PRRC2C: variants seen among roughly 807,000 people sequenced by gnomAD.
PRRC2C encodes protein PRRC2C.
Under a neutral mutation model 317.2 loss-of-function variants are expected in PRRC2C, and 72 were observed. That is an observed-to-expected ratio of 0.23 (90% CI 0.19 to 0.28). PRRC2C has a LOEUF of 0.28. PRRC2C is among the 10% of genes least tolerant of loss of function. PRRC2C has a pLI of 1.00. For missense variants in PRRC2C, 3,074 were observed against 3,459.7 expected (o/e 0.89, Z 2.80); for synonymous variants, 1,296 against 1,205.9 (o/e 1.07, Z -1.55).
intron 1 of PRRC2C, among the ~76,000 whole-genome samples, chr1:171,486,972 T>TA (rs1666245332): frequency 6.6e-6 from 1 of 152,172 alleles, no homozygotes; most frequent in African/African-American, 2.4e-5. Flanking sequence ...ATTGATCCCC[T>TA]AAAAAATTAG....
chr1:171,507,865 C>T (rs1052807736), intron 1 of PRRC2C, among the ~76,000 whole-genome samples: 2 of 151,992 alleles, frequency 1.3e-5, no homozygotes, highest in Non-Finnish European at 2.9e-5. Flanking sequence ...TATTTTGCTC[C>T]CTTGGTTAGA....
chr1:171,494,262 G>A (rs1186567459), intron 1 of PRRC2C, among the ~76,000 whole-genome samples: 1 of 152,064 alleles, frequency 6.6e-6, no homozygotes, highest in African/African-American at 2.4e-5. Context: ...ATCCTACTCC[G>A]GAAACTTAAT....
chr1:171,591,893 T>C lies in PRRC2C; in HGVS notation c.*46T>C, dbSNP rs973824890. ...GGATTGGGAGGGGGGCGGGAAAACA[T>C]GGAGAATTAAGTCAGATAATGCTGG... On this transcript the variant is annotated 3_prime_UTR_variant, in exon 35 of 35. Coordinates refer to ENST00000647382, the MANE Select transcript of PRRC2C (RefSeq NM_001387844.1). The C allele has an allele frequency of 1.7e-6, 2 of 1,165,528 alleles. No homozygotes were observed. The highest frequency in any genetic ancestry group is 2.1e-5 in the Admixed American group (1 of 48,398). 72.2% of individuals were successfully genotyped at this position (1,165,528 alleles called of 1,614,324 possible).
rs573432464 is a variant in PRRC2C, at chr1:171,525,499, C to T, written c.1200+534C>T. Among the ~76,000 whole-genome samples, 4 of 152,284 alleles carry T rather than the reference C, an allele frequency of 2.6e-5. No homozygotes were observed. In the South Asian group the frequency reaches 8.3e-4, roughly 32 times the overall value. On this transcript the variant is annotated intron_variant, in intron 10 of 34. Coordinates refer to ENST00000647382, the MANE Select transcript of PRRC2C (RefSeq NM_001387844.1). Reference sequence around the variant, plus strand: ...TATAAACTGGGAATAAAAAGGACTACTTTCAAGGGAGTCCACTTATCTCTT... The same window carrying T: ...TATAAACTGGGAATAAAAAGGACTATTTTCAAGGGAGTCCACTTATCTCTT...
intron 1 of PRRC2C, among the ~76,000 whole-genome samples, chr1:171,489,438 C>T (rs1427115431): frequency 6.6e-6 from 1 of 152,108 alleles, no homozygotes; most frequent in Non-Finnish European, 1.5e-5. Flanking sequence ...TAAAAGTTAT[C>T]TTGTAGTCTT....
In PRRC2C at chr1:171,574,164, C is replaced by A. The variant is rs529182981; in HGVS notation, c.6754-763C>A. On this transcript the variant is annotated intron_variant, in intron 24 of 34. Transcript: ENST00000647382. ...ATATGAAATTTTAATATTAAAAAAA[C>A]TTATAAAATATCAATTTATGTTCAT... is the stretch of plus-strand genomic sequence containing the variant. Among the ~76,000 whole-genome samples, 44 of 151,766 alleles carry A rather than the reference C, an allele frequency of 2.9e-4. No homozygotes were observed. The East Asian group carries it at 6.4e-3, about 22-fold the overall frequency.
In PRRC2C at chr1:171,532,908, C is replaced by T; in HGVS notation, c.1820C>T (p.Pro607Leu). ...GAGGAGAAAATTGAACCCAGAGAAC[C>T]TAATTTAGAGCCCATGGTAGAAAAA... ...KLEEKIEPRE[P>L]NLEPMVEKQE... The change falls in exon 12 of 35, where the codon CCT (proline) becomes CTT (leucine). Residue 607 changes from proline to leucine, a missense_variant. By Grantham distance (98) the Pro-to-Leu change is moderately conservative. Transcript: ENST00000647382. The T allele has an allele frequency of 6.3e-7, 1 of 1,575,058 alleles. No individual in the cohort carries two copies. Among genetic ancestry groups the T allele is most frequent in the Non-Finnish European group, 8.5e-7 (1 of 1,170,838 alleles).
At chr1:171,542,907 C>T (rs1314484680) in intron 16 of PRRC2C, among the ~76,000 whole-genome samples, 5 of 151,712 alleles carry the variant, frequency 3.3e-5, no homozygotes, top group Non-Finnish European at 5.9e-5. Flanking sequence ...ACTACAGGTG[C>T]CCACCACCAT....
chr1:171,514,329 TG>T (rs1344921528), intron 3 of PRRC2C, among the ~76,000 whole-genome samples: 1 of 152,030 alleles, frequency 6.6e-6, no homozygotes. Context: ...CTCATCTCAT[TG>T]GGTTATTCAA....
rs1488493458 is a variant in PRRC2C, at chr1:171,557,856, C to T, written c.5744C>T (p.Ala1915Val). ...GCCCCTGCCTCAGCTTCAGCCCCAGCCCCAGCCCCTACCCCAGTCTCAGCC... is the reference window on the plus strand; with the variant it reads ...GCCCCTGCCTCAGCTTCAGCCCCAGTCCCAGCCCCTACCCCAGTCTCAGCC... The part of the protein sequence containing the change: ...PLAPASASAP[A>V]PAPTPVSAPN... Residue 1915 changes from alanine to valine, a missense_variant, in exon 19 of 35, where the codon GCC becomes GTC. Coordinates refer to ENST00000647382, the MANE Select transcript of PRRC2C (RefSeq NM_001387844.1). The T allele has an allele frequency of 1.9e-6, 3 of 1,541,612 alleles. No individual in the cohort carries two copies. The highest frequency in any genetic ancestry group is 4.9e-5 in the East Asian group (2 of 40,818).
At position 171,584,053 on chromosome 1, in the gene PRRC2C, C is replaced by T. The variant is rs2102857362; in HGVS notation, c.7507C>T (p.Leu2503Phe). The T allele has an allele frequency of 6.2e-7, 1 of 1,614,016 alleles. No homozygotes were observed. Among genetic ancestry groups the T allele is most frequent in the South Asian group, 1.1e-5 (1 of 91,088 alleles). ...HNFPTVQHQELAKAQSGLAFQ... is the reference protein window; with the variant it reads ...HNFPTVQHQEFAKAQSGLAFQ... ...CTTTCCAACTGTCCAACACCAAGAA[C>T]TTGCCAAGGCACAATCCGGTCTTGC... Residue 2503 changes from leucine to phenylalanine, a missense_variant, in exon 29 of 35, where the codon CTT becomes TTT. By Grantham distance (22) the Leu-to-Phe change is conservative (BLOSUM62 0). Around this residue, in one of 11 missense-constraint regions of PRRC2C, gnomAD observed 490 missense variants for 663.1 expected, o/e 0.74. Coordinates refer to ENST00000647382, the MANE Select transcript of PRRC2C (RefSeq NM_001387844.1).
chr1:171,514,619 G>A lies in PRRC2C; in HGVS notation c.374G>A (p.Ser125Asn), dbSNP rs750700175. Residue 125 changes from serine to asparagine, a missense_variant, in exon 4 of 35, where the codon AGT (serine) becomes AAT (asparagine). Transcript: ENST00000647382. The stretch of plus-strand genomic sequence containing the variant: ...GCACCTGCTCCCAAATCATGGGCCA[G>A]TAACAAGCAAGGTGGGCAAGGAGAT... ...EVAPAPKSWA[S>N]NKQGGQGDGI... The A allele has an allele frequency of 2.6e-6, 4 of 1,558,228 alleles. No individual in the cohort carries two copies. The highest frequency in any genetic ancestry group is 1.9e-5 in the Admixed American group (1 of 51,736).
rs572593248 is a variant in PRRC2C, at chr1:171,591,281, C to T, written c.8437-306C>T. On this transcript the variant is annotated intron_variant, in intron 34 of 34. Transcript: ENST00000647382. ...TGATAACTAGAAGTTTTAAGTGTTA[C>T]ATGTATGTTTTTAGATTTGCAAGCA... 71 of 957,842 alleles carry T rather than the reference C, an allele frequency of 7.4e-5. No homozygotes were observed. In the African/African-American group the frequency reaches 1.2e-3, roughly 16 times the overall value. 59.3% of individuals were successfully genotyped at this position (957,842 alleles called of 1,614,324 possible). A position where few individuals can be genotyped will look rare whatever the true frequency, so the allele number is the denominator to read the frequency against.
chr1:171,566,474 G>A (rs1009555912), intron 21 of PRRC2C, 53 bp downstream of exon 21: 8 of 1,500,760 alleles, frequency 5.3e-6, no homozygotes, highest in South Asian at 1.3e-5. Flanking sequence ...CTGACATGAA[G>A]AGCAAATAAT....
At chr1:171,528,749 T>C (rs1367210633) in intron 11 of PRRC2C, among the ~76,000 whole-genome samples, 2 of 151,964 alleles carry the variant, frequency 1.3e-5, no homozygotes, top group Non-Finnish European at 2.9e-5. Flanking sequence ...AGTTTTCTTG[T>C]CTTCATCTCA....
Position 171,584,113 on chromosome 1 carries a change from A to G in PRRC2C, c.7567A>G (p.Ile2523Val), listed in dbSNP as rs1473195601. The change falls in exon 29 of 35, where the codon ATA (isoleucine) becomes GTA (valine). Residue 2523 changes from isoleucine to valine, a missense_variant. By Grantham distance (29) the Ile-to-Val change is conservative. Transcript: ENST00000647382. ...QQTSNTQPIP[I>V]LYEHQLGQAS... Reference sequence around the variant, plus strand: ...AACATCAAATACTCAGCCCATTCCTATATTGTATGAACATCAACTGGGGCA... The same window carrying G: ...AACATCAAATACTCAGCCCATTCCTGTATTGTATGAACATCAACTGGGGCA... The G allele has an allele frequency of 2.5e-6, 4 of 1,613,934 alleles. No individual in the cohort carries two copies. The highest frequency in any genetic ancestry group is 3.4e-6 in the Non-Finnish European group (4 of 1,179,852).
intron 19 of PRRC2C, among the ~76,000 whole-genome samples, chr1:171,560,670 A>T (rs190991381): frequency 6.6e-6 from 1 of 152,354 alleles, no homozygotes; most frequent in Non-Finnish European, 1.5e-5. Context: ...AGTTTTTTTA[A>T]AATTAAAAAG....
intron 1 of PRRC2C, among the ~76,000 whole-genome samples, chr1:171,507,829 A>G (rs762587293): frequency 1.8e-4 from 27 of 152,158 alleles, no homozygotes; most frequent in Non-Finnish European, 3.4e-4. Flanking sequence ...TCTTGTATCA[A>G]TATTTTATAG....
Position 171,540,339 on chromosome 1 carries a change from C to A in PRRC2C, c.2873C>A (p.Ser958Ter). ...IPKVTSRCID[S>*]KEPIERPEEK... ...AAAGTAACCAGCAGATGCATTGATT[C>A]AAAAGAACCAATAGAAAGGCCAGAG... Residue 958 changes from serine to a stop codon, truncating the protein, a stop_gained, in exon 16 of 35, where the codon TCA becomes TAA. Transcript: ENST00000647382. LOFTEE classifies it high-confidence loss of function. 2 of 1,613,058 alleles carry A rather than the reference C, an allele frequency of 1.2e-6. No homozygotes were observed. The highest frequency in any genetic ancestry group is 2.2e-5 in the South Asian group (2 of 90,884).
Sources: gnomAD v4.1 joint callset for allele counts (sites outside exome capture counted in the v4.1 genomes callset) on GRCh38, gnomAD v4.1.1 for gene constraint, gnomAD v4.1.1 regional missense constraint, MANE v1.5 for transcripts, NCBI Gene and HGNC (gene_info 2026-07-23, HGNC 2026-07-21) for gene names.